TMEM272: variants seen among roughly 807,000 people sequenced by gnomAD.
TMEM272 encodes transmembrane protein 272, also known as long intergenic non-protein coding RNA 282.
A neutral mutation model predicts 3.7 loss-of-function variants in TMEM272; 8 were observed. The observed-to-expected ratio is 2.17, with a 90% CI of 1.27 to 3.91. The LOEUF (loss-of-function observed/expected upper bound fraction) is 3.91. Among genes scored for constraint, TMEM272 ranks in the 30% most tolerant of loss-of-function variants. TMEM272 has a pLI of 0.00. For missense variants in TMEM272, 166 were observed against 91.5 expected (o/e 1.81, Z -3.32); for synonymous variants, 63 against 39.8 (o/e 1.58, Z -2.20).
At chr13:51,910,202 T>C in the TMEM272 span, 2 of 1,179,276 alleles carry the variant, frequency 1.7e-6, no homozygotes, top group Non-Finnish European at 2.5e-6. Context: ...CATGCTCCAG[T>C]TCAGAATTGG....
chr13:51,825,053 G>A (rs1381928260), intron 3 of TMEM272, among the ~76,000 whole-genome samples: 1 of 152,168 alleles, frequency 6.6e-6, no homozygotes, highest in East Asian at 1.9e-4. Flanking sequence ...GAGTACCCCC[G>A]ACTTCATAAG....
the TMEM272 span, among the ~76,000 whole-genome samples, chr13:51,865,055 T>A: frequency 6.6e-6 from 1 of 152,234 alleles, no homozygotes; most frequent in Admixed American, 6.5e-5. Flanking sequence ...CCTCATCATG[T>A]CACACCTATG....
chr13:51,827,826 A>G (rs1956140486), intron 2 of TMEM272, among the ~76,000 whole-genome samples: 1 of 152,190 alleles, frequency 6.6e-6, no homozygotes, highest in African/African-American at 2.4e-5. Context: ...TTCACCCTCA[A>G]TTAACCAGCA....
chr13:51,906,052 C>T, the TMEM272 span, among the ~76,000 whole-genome samples: 1 of 152,176 alleles, frequency 6.6e-6, no homozygotes, highest in Non-Finnish European at 1.5e-5. Flanking sequence ...CAGTGTGGCT[C>T]CTTACAGGCT....
At chr13:51,875,618 A>G in the TMEM272 span, among the ~76,000 whole-genome samples, 3 of 152,066 alleles carry the variant, frequency 2.0e-5, no homozygotes, top group Non-Finnish European at 4.4e-5. Flanking sequence ...GGTCAACCAG[A>G]CTCTGACTTG....
chr13:51,825,536 TTGCAACAACTCCTA>T (rs1232154144), intron 3 of TMEM272, among the ~76,000 whole-genome samples: 1 of 152,160 alleles, frequency 6.6e-6, no homozygotes, highest in Non-Finnish European at 1.5e-5. Flanking sequence ...TGTTGCTGTT[TTGCAACAACTCCTA>T]TGCTCTTTTA....
At chr13:51,912,012 G>A in the TMEM272 span, among the ~76,000 whole-genome samples, 1 of 152,002 alleles carries the variant, frequency 6.6e-6, no homozygotes, top group Admixed American at 6.6e-5. Context: ...ACTCCCTCAA[G>A]GATCTGTTTG....
chr13:51,884,436 T>A, the TMEM272 span, among the ~76,000 whole-genome samples: 4 of 152,210 alleles, frequency 2.6e-5, no homozygotes, highest in African/African-American at 9.7e-5. Flanking sequence ...TAGGGTTAGT[T>A]TGATAACAAC....
the TMEM272 span, among the ~76,000 whole-genome samples, chr13:51,877,985 T>C: frequency 6.6e-6 from 1 of 152,230 alleles, no homozygotes; most frequent in Non-Finnish European, 1.5e-5. Context: ...CTGGATAATT[T>C]ATAAATTGCG....
chr13:51,835,816 C>T (rs894175049), intron 2 of TMEM272, among the ~76,000 whole-genome samples: 3 of 152,158 alleles, frequency 2.0e-5, no homozygotes, highest in African/African-American at 4.8e-5. Context: ...CCTCTGCATG[C>T]TTTTTAAGTT....
intron 4 of TMEM272, among the ~76,000 whole-genome samples, chr13:51,819,879 G>A (rs995271995): frequency 6.6e-6 from 1 of 152,156 alleles, no homozygotes; most frequent in Non-Finnish European, 1.5e-5. Flanking sequence ...CTTTTAACAT[G>A]ACCCTCAGTA....
chr13:51,901,136 C>T, the TMEM272 span, among the ~76,000 whole-genome samples: 3 of 151,060 alleles, frequency 2.0e-5, no homozygotes, highest in Non-Finnish European at 4.4e-5. Flanking sequence ...TAAAACTTTT[C>T]TTTTTTTTTC....
the TMEM272 span, chr13:51,910,088 A>T: frequency 5.4e-6 from 6 of 1,112,506 alleles, no homozygotes; most frequent in African/African-American, 9.2e-5. Context: ...ATTTTGACTC[A>T]TCTTCTAGAG....
chr13:51,824,853 T>A (rs552232278), intron 3 of TMEM272, among the ~76,000 whole-genome samples: 1 of 152,262 alleles, frequency 6.6e-6, no homozygotes, highest in Non-Finnish European at 1.5e-5. Context: ...CTAAGGAGGC[T>A]GAGGCACAAG....
At chr13:51,862,402 A>G in the TMEM272 span, among the ~76,000 whole-genome samples, 1 of 152,164 alleles carries the variant, frequency 6.6e-6, no homozygotes, top group Admixed American at 6.5e-5. Context: ...TTTATATTGT[A>G]CTTTATATTT....
the TMEM272 span, among the ~76,000 whole-genome samples, chr13:51,907,593 G>C: frequency 6.6e-6 from 1 of 152,114 alleles, no homozygotes; most frequent in Non-Finnish European, 1.5e-5. Context: ...TGCTCACCTT[G>C]CCTCACTCAT....
the TMEM272 span, chr13:51,865,799 G>A: frequency 1.2e-6 from 2 of 1,614,256 alleles, no homozygotes; most frequent in African/African-American, 1.3e-5. Context: ...AGAGGACAAT[G>A]CCTTATGGGA....
chr13:51,826,770 C>T (rs529268040), intron 2 of TMEM272, 145 bp from the exon 3 acceptor site: 30 of 640,438 alleles, frequency 4.7e-5, no homozygotes, highest in African/African-American at 4.1e-4. Context: ...GGTCGCAGCT[C>T]GCCTGGGGCT....
At chr13:51,825,720 C>A (rs530708314) in intron 3 of TMEM272, among the ~76,000 whole-genome samples, 3 of 151,618 alleles carry the variant, frequency 2.0e-5, no homozygotes, top group African/African-American at 7.3e-5. Context: ...CTCAGTCCCC[C>A]GAGTAGCTGG....
Sources: gnomAD v4.1 joint callset for allele counts (sites outside exome capture counted in the v4.1 genomes callset) on GRCh38, gnomAD v4.1.1 for gene constraint, MANE v1.5 for transcripts, NCBI Gene and HGNC (gene_info 2026-07-23, HGNC 2026-07-21) for gene names.